The following PRKCZ variants were observed in gnomAD, a reference collection of about 807,000 sequenced individuals.
The protein encoded by PRKCZ is protein kinase C zeta, also known as protein kinase C zeta type.
Under a neutral mutation model 79.5 loss-of-function variants are expected in PRKCZ, and 33 were observed. That is an observed-to-expected ratio of 0.41 (90% CI 0.31 to 0.55). PRKCZ has a LOEUF of 0.55. PRKCZ is among the 20% of genes least tolerant of loss of function. The probability of loss-of-function intolerance (pLI) is 0.19; values close to 1 mark genes in which losing one functional copy is unlikely to be tolerated. For missense variants in PRKCZ, 578 were observed against 813.5 expected (o/e 0.71, Z 3.52); for synonymous variants, 342 against 320.9 (o/e 1.07, Z -0.70).
chr1:2,144,622 A>T, intron 6 of PRKCZ: 1 of 1,255,456 alleles, frequency 8.0e-7, no homozygotes, highest in African/African-American at 1.5e-5. Context: ...GGTCGGAGGT[A>T]AGGTTCATTC....
At chr1:2,155,285 GATGGTA>G (rs1213230651) in intron 9 of PRKCZ, among the ~76,000 whole-genome samples, 2 of 150,486 alleles carry the variant, frequency 1.3e-5, no homozygotes, top group African/African-American at 5.0e-5. Flanking sequence ...TGGTGATGAT[GATGGTA>G]GTGGTGATGA....
chr1:2,144,656 T>G, intron 6 of PRKCZ: 1 of 1,148,668 alleles, frequency 8.7e-7, no homozygotes, highest in Non-Finnish European at 1.1e-6. Context: ...GAACCAGCTC[T>G]TAAGGACTGT....
At position 2,114,866 on chromosome 1, in the gene PRKCZ, C is replaced by T. The variant is rs141313774; in HGVS notation, c.335-20396C>T. Among the ~76,000 whole-genome samples, 419 of 152,346 alleles carry T rather than the reference C, an allele frequency of 2.8e-3. 2 individuals carry two copies. The highest frequency in any genetic ancestry group is 9.5e-3 in the African/African-American group (397 of 41,584). On this transcript the variant is annotated intron_variant, in intron 4 of 17. Transcript: ENST00000378567. ...AGCTTTTCTTATGGAAAGAATGTTA[C>T]GGCCTGGGTGCCTCCATTCTCTGAT...
At chr1:2,108,807 C>T (rs2102683230) in intron 4 of PRKCZ, among the ~76,000 whole-genome samples, 1 of 152,328 alleles carries the variant, frequency 6.6e-6, no homozygotes, top group Admixed American at 6.5e-5. Context: ...CACTGGGGGG[C>T]TTAAAGCAAC....
intron 10 of PRKCZ, chr1:2,156,455 G>A (rs1467736242): frequency 4.5e-6 from 1 of 223,780 alleles, no homozygotes; most frequent in Non-Finnish European, 9.2e-6. Context: ...CTGTGGCTTT[G>A]AATACATTTG....
At chr1:2,056,877 C>T (rs1045640530) in intron 3 of PRKCZ, among the ~76,000 whole-genome samples, 26 of 151,662 alleles carry the variant, frequency 1.7e-4, no homozygotes, top group Admixed American at 6.6e-4. Context: ...TACAGGCGCC[C>T]GCCACCACGC....
chr1:2,134,519 C>T (rs77665022), intron 4 of PRKCZ, among the ~76,000 whole-genome samples: 35,545 of 152,010 alleles, frequency 0.23, 4,736 homozygotes, highest in Admixed American at 0.33. Context: ...ACAAGACCAG[C>T]CGTCTGGTTA....
At chr1:2,081,961 G>C (rs1663615161) in intron 4 of PRKCZ, among the ~76,000 whole-genome samples, 1 of 152,260 alleles carries the variant, frequency 6.6e-6, no homozygotes, top group African/African-American at 2.4e-5. Flanking sequence ...GTCCCCTGCT[G>C]GGTGGGCAGT....
chr1:2,154,456 A>G lies in PRKCZ; in HGVS notation c.877-1539A>G, dbSNP rs528084108. Among the ~76,000 whole-genome samples, 4 of 152,292 alleles carry G rather than the reference A, an allele frequency of 2.6e-5. No homozygotes were observed. The South Asian group carries it at 6.2e-4, about 24-fold the overall frequency. Reference sequence around the variant, plus strand: ...GGAATGACACAGTCTCAGAGGCTAAATAGATACTCACTAATGGTTTGTTGA... The same window carrying G: ...GGAATGACACAGTCTCAGAGGCTAAGTAGATACTCACTAATGGTTTGTTGA... On this transcript the variant is annotated intron_variant, in intron 9 of 17. Transcript: ENST00000378567.
intron 5 of PRKCZ, among the ~76,000 whole-genome samples, chr1:2,137,950 C>CTGA (rs1676552538): frequency 6.6e-6 from 1 of 152,228 alleles, no homozygotes; most frequent in Admixed American, 6.5e-5. Context: ...AGCCTGCAAC[C>CTGA]TGACTGCTCA....
At position 2,184,687 on chromosome 1, in the gene PRKCZ, C is replaced by G; in HGVS notation, c.1680C>G (p.Thr560=). Residue 560 remains threonine (T), a synonymous_variant, in exon 17 of 18, where the codon ACC becomes ACG. Coordinates refer to ENST00000378567, the MANE Select transcript of PRKCZ (RefSeq NM_002744.6). ...TQFTSEPVQL[T]PDDEDAIKRI... is the part of the protein sequence containing the mutation. Reference sequence around the variant, plus strand: ...TCACCAGCGAGCCCGTGCAGCTGACCCCAGACGATGAGTGAGTCCCACTGG... The same window carrying G: ...TCACCAGCGAGCCCGTGCAGCTGACGCCAGACGATGAGTGAGTCCCACTGG... The G allele has an allele frequency of 1.2e-6, 2 of 1,613,286 alleles. No homozygotes were observed. The highest frequency in any genetic ancestry group is 2.2e-5 in the South Asian group (2 of 90,940).
chr1:2,091,358 A>G (rs1665468986), intron 4 of PRKCZ, among the ~76,000 whole-genome samples: 1 of 152,206 alleles, frequency 6.6e-6, no homozygotes, highest in African/African-American at 2.4e-5. Context: ...TAATTGTGGT[A>G]AAATACCTAT....
At chr1:2,164,695 G>T (rs142384127) in intron 10 of PRKCZ, among the ~76,000 whole-genome samples, 51 of 152,346 alleles carry the variant, frequency 3.3e-4, no homozygotes, top group Non-Finnish European at 4.6e-4. Flanking sequence ...AGCTTCATTG[G>T]ATTTTTAAAT....
chr1:2,055,301 G>T, intron 1 of PRKCZ, 140 bp from the exon 2 acceptor site: 1 of 1,041,360 alleles, frequency 9.6e-7, no homozygotes, highest in East Asian at 2.8e-5. Flanking sequence ...GTGTGGGAGG[G>T]GGGAGGGGGT....
intron 16 of PRKCZ, among the ~76,000 whole-genome samples, chr1:2,179,205 C>T (rs1386015145): frequency 6.6e-6 from 1 of 152,240 alleles, no homozygotes; most frequent in African/African-American, 2.4e-5. Context: ...TCCGCCGGTC[C>T]AGGCACATCC....
intron 4 of PRKCZ, among the ~76,000 whole-genome samples, chr1:2,108,650 G>A (rs886741043): frequency 6.6e-6 from 1 of 152,216 alleles, no homozygotes; most frequent in Non-Finnish European, 1.5e-5. Context: ...AGTTGGCCTG[G>A]TGGCCGTGGG....
At chr1:2,135,393 CT>C in intron 5 of PRKCZ, 46 bp downstream of exon 5, 1 of 1,506,712 alleles carries the variant, frequency 6.6e-7, no homozygotes, top group South Asian at 1.2e-5. Context: ...CCTTTTGTTA[CT>C]TTTAAAAGCA....
chr1:2,056,910 T>A (rs1005469898), intron 3 of PRKCZ, among the ~76,000 whole-genome samples: 5 of 151,842 alleles, frequency 3.3e-5, no homozygotes, highest in Non-Finnish European at 7.4e-5. Context: ...TTGTATTTTT[T>A]GTAGAGACGG....
chr1:2,108,262 G>A (rs545745481), intron 4 of PRKCZ, among the ~76,000 whole-genome samples: 8 of 152,328 alleles, frequency 5.3e-5, no homozygotes, highest in East Asian at 1.9e-4. Flanking sequence ...CGGCCTCTTC[G>A]CCCCTGCCCG....
Sources: gnomAD v4.1 joint callset for allele counts (sites outside exome capture counted in the v4.1 genomes callset) on GRCh38, gnomAD v4.1.1 for gene constraint, MANE v1.5 for transcripts, NCBI Gene and HGNC (gene_info 2026-07-23, HGNC 2026-07-21) for gene names.